The following GABRB1 variants were observed in gnomAD, a reference collection of about 807,000 sequenced individuals.
GABRB1 encodes the protein gamma-aminobutyric acid type A receptor subunit beta1.
Under a neutral mutation model 51.6 loss-of-function variants are expected in GABRB1, and 17 were observed. That is an observed-to-expected ratio of 0.33 (90% CI 0.23 to 0.49). The LOEUF (loss-of-function observed/expected upper bound fraction) is 0.49, where lower values mean the gene tolerates loss of function less well. Among genes scored for constraint, GABRB1 ranks in the 20% least tolerant of loss-of-function variants. The probability of loss-of-function intolerance (pLI) is 0.99; values close to 1 mark genes in which losing one functional copy is unlikely to be tolerated. For synonymous variants in GABRB1, 247 were observed against 218.9 expected, an observed-to-expected ratio of 1.13 and a Z score of -1.14; for missense variants, 410 against 600.6, an observed-to-expected ratio of 0.68 and a Z score of 3.32.
chr4:47,296,852 G>C lies in GABRB1; in HGVS notation c.462-23275G>C, dbSNP rs543765153. ...CACCTATTCCAAAACTGACCACACA[G>C]TTGGAAGTAAAGCTCTCCTCAGCAA... On this transcript the variant is annotated intron_variant, in intron 4 of 8. Transcript: ENST00000295454. Among the ~76,000 whole-genome samples the C allele has an allele frequency of 8.2e-3, 1,252 of 152,196 alleles. 20 individuals are homozygous for C. The highest frequency in any genetic ancestry group is 0.029 in the African/African-American group (1,183 of 41,492).
chr4:47,177,984 T>C (rs899101320), intron 4 of GABRB1, among the ~76,000 whole-genome samples: 5 of 152,118 alleles, frequency 3.3e-5, no homozygotes, highest in Non-Finnish European at 5.9e-5. Context: ...TGGATTAGGA[T>C]GTATATTATA....
chr4:47,347,614 G>C (rs529895279), intron 5 of GABRB1, among the ~76,000 whole-genome samples: 2 of 151,846 alleles, frequency 1.3e-5, no homozygotes, highest in South Asian at 4.1e-4. Context: ...TGTTAAGTTT[G>C]AAAGATCCCA....
At chr4:47,203,550 G>A (rs773475956) in intron 4 of GABRB1, among the ~76,000 whole-genome samples, 3 of 151,986 alleles carry the variant, frequency 2.0e-5, no homozygotes, top group Non-Finnish European at 2.9e-5. Context: ...GTGAAGAGAG[G>A]GAGACATAAA....
chr4:47,223,484 A>G (rs1396186078), intron 4 of GABRB1, among the ~76,000 whole-genome samples: 1 of 152,110 alleles, frequency 6.6e-6, no homozygotes, highest in Admixed American at 6.6e-5. Flanking sequence ...TATTTAGTAA[A>G]TTTTTCTTTA....
At chr4:47,405,848 G>C (rs1411477475) in intron 7 of GABRB1, among the ~76,000 whole-genome samples, 1 of 151,946 alleles carries the variant, frequency 6.6e-6, no homozygotes, top group Admixed American at 6.6e-5. Flanking sequence ...CAAAATATTT[G>C]TTATACAGCT....
chr4:47,043,032 A>C (rs1189048060), intron 3 of GABRB1: 2 of 152,180 alleles, frequency 1.3e-5, no homozygotes, highest in Non-Finnish European at 2.9e-5. Flanking sequence ...TACCACTGAC[A>C]TCACCACCTC....
At chr4:47,380,784 G>A (rs996966992) in intron 5 of GABRB1, among the ~76,000 whole-genome samples, 2 of 152,088 alleles carry the variant, frequency 1.3e-5, no homozygotes, top group Non-Finnish European at 2.9e-5. Flanking sequence ...ATGAGGCACT[G>A]GACTTCATAA....
chr4:47,148,854 A>C (rs974192586), intron 3 of GABRB1, among the ~76,000 whole-genome samples: 1 of 151,960 alleles, frequency 6.6e-6, no homozygotes, highest in Non-Finnish European at 1.5e-5. Flanking sequence ...CACGAACTGA[A>C]TGTTAATGAT....
intron 5 of GABRB1, among the ~76,000 whole-genome samples, chr4:47,377,993 G>A (rs1281601891): frequency 6.6e-6 from 1 of 152,228 alleles, no homozygotes; most frequent in Non-Finnish European, 1.5e-5. Context: ...AGTGGATCTC[G>A]CACTGGGGCT....
At chr4:47,233,151 C>T (rs927222042) in intron 4 of GABRB1, among the ~76,000 whole-genome samples, 1 of 152,142 alleles carries the variant, frequency 6.6e-6, no homozygotes, top group Non-Finnish European at 1.5e-5. Context: ...GCTGGGATTA[C>T]AGGCGTGATC....
At chr4:47,312,037 TTGTGTGTGTG>T (rs36206411) in intron 4 of GABRB1, among the ~76,000 whole-genome samples, 84,752 of 140,736 alleles carry the variant, frequency 0.6, 23,852 homozygotes, top group East Asian at 0.68. Flanking sequence ...TACCCAAGGC[TTGTGTGTGTG>T]TGTGTGTGTG....
chr4:47,343,622 G>C lies in GABRB1; in HGVS notation c.544+23413G>C, dbSNP rs1725982326. On this transcript the variant is annotated intron_variant, in intron 5 of 8. Transcript: ENST00000295454. ...GGATTCTGTCAGCTGTCCTGATTGA[G>C]AGAATGGCTGAGAATGACTGATGGA... 2.6e-5 allele frequency among the ~76,000 whole-genome samples: 4 copies of C among 152,244 alleles called. No individual in the cohort carries two copies. In the South Asian group the frequency reaches 8.3e-4, roughly 32 times the overall value.
At chr4:47,082,183 A>G (rs1172884502) in intron 3 of GABRB1, among the ~76,000 whole-genome samples, 2 of 152,108 alleles carry the variant, frequency 1.3e-5, no homozygotes, top group African/African-American at 2.4e-5. Flanking sequence ...TATTATTTAC[A>G]TGATACTTTT....
intron 4 of GABRB1, among the ~76,000 whole-genome samples, chr4:47,293,814 T>C (rs898726549): frequency 6.6e-6 from 1 of 152,216 alleles, no homozygotes; most frequent in East Asian, 1.9e-4. Context: ...TTATAGCTTG[T>C]AAGCAAAGTA....
At chr4:47,333,193 T>TG (rs1560337867) in intron 5 of GABRB1, among the ~76,000 whole-genome samples, 41 of 1,218 alleles carry the variant, frequency 0.034, 1 homozygote, top group African/African-American at 0.051. Flanking sequence ...ACCCATTTTA[T>TG]TTATATATAT....
intron 4 of GABRB1, among the ~76,000 whole-genome samples, chr4:47,223,861 T>A (rs1046540098): frequency 4.6e-5 from 7 of 152,150 alleles, no homozygotes; most frequent in African/African-American, 1.7e-4. Flanking sequence ...AGTTGAAGAC[T>A]CTCTCTTCCA....
intron 4 of GABRB1, among the ~76,000 whole-genome samples, chr4:47,205,288 A>T (rs2109802878): frequency 6.6e-6 from 1 of 152,322 alleles, no homozygotes; most frequent in Middle Eastern, 3.4e-3. Flanking sequence ...GTAACAGAGA[A>T]GACAAAAGTT....
chr4:47,042,503 C>T (rs191445454), intron 3 of GABRB1, among the ~76,000 whole-genome samples: 3,172 of 146,010 alleles, frequency 0.022, 105 homozygotes, highest in African/African-American at 0.075. Flanking sequence ...TATATATAGT[C>T]TGCTTTAAAA....
chr4:47,263,196 T>TAATAAATA (rs60437394), intron 4 of GABRB1, among the ~76,000 whole-genome samples: 2,318 of 149,416 alleles, frequency 0.016, 67 homozygotes, highest in African/African-American at 0.053. Flanking sequence ...AGTATAATAA[T>TAATAAATA]AATAAATAAA....
Sources: gnomAD v4.1 joint callset for allele counts (sites outside exome capture counted in the v4.1 genomes callset) on GRCh38, gnomAD v4.1.1 for gene constraint, MANE v1.5 for transcripts, NCBI Gene and HGNC (gene_info 2026-07-23, HGNC 2026-07-21) for gene names.